The following CDK14 variants were observed in gnomAD, a reference collection of about 807,000 sequenced individuals.
The protein encoded by CDK14 is cyclin-dependent kinase 14.
CDK14 carries 34 observed loss-of-function variants against 60.7 expected under a neutral mutation model. That is an observed-to-expected ratio of 0.56 (90% confidence interval 0.43 to 0.75). The LOEUF is 0.75. Ranked by LOEUF, CDK14 falls within the 30% of genes least tolerant of loss-of-function variation. The probability of loss-of-function intolerance (pLI) is 0.00; values close to 1 mark genes in which losing one functional copy is unlikely to be tolerated. For synonymous variants in CDK14, 197 were observed against 203.7 expected, an observed-to-expected ratio of 0.97 and a Z score of 0.28; for missense variants, 482 against 564.1, an observed-to-expected ratio of 0.85 and a Z score of 1.47.
At position 90,859,547 on chromosome 7, in the gene CDK14, C is replaced by A. The variant is rs192651557; in HGVS notation, c.545-3628C>A. Among the ~76,000 whole-genome samples the A allele has an allele frequency of 3.2e-3, 483 of 152,102 alleles. 4 individuals are homozygous for A. The highest frequency in any genetic ancestry group is 0.011 in the African/African-American group (457 of 41,526). Reference sequence around the variant, plus strand: ...TTAATATGTTAAAACATGGGTAAATCTCTTTTATTTTTTAAAAGACTTTAC... The same window carrying A: ...TTAATATGTTAAAACATGGGTAAATATCTTTTATTTTTTAAAAGACTTTAC... On this transcript the variant is annotated intron_variant, in intron 5 of 14. Transcript: ENST00000380050.
intron 2 of CDK14, among the ~76,000 whole-genome samples, chr7:90,682,561 G>A (rs2116564159): frequency 6.6e-6 from 1 of 152,272 alleles, no homozygotes; most frequent in South Asian, 2.1e-4. Flanking sequence ...ATCACCTTCA[G>A]TATGTTTATA....
At chr7:91,012,246 C>T (rs1230733740) in intron 10 of CDK14, among the ~76,000 whole-genome samples, 1 of 152,174 alleles carries the variant, frequency 6.6e-6, no homozygotes, top group Non-Finnish European at 1.5e-5. Flanking sequence ...AGATTTCCTA[C>T]TCTGGCCATG....
At position 91,112,822 on chromosome 7, in the gene CDK14, G is replaced by GTGTGTGT. The variant is rs1799505196; in HGVS notation, c.1294+141_1294+142insTGTGTGT. 5 of 638,158 alleles carry GTGTGTGT rather than the reference G, an allele frequency of 7.8e-6. No homozygotes were observed. In the African/African-American group the frequency reaches 9.5e-5, roughly 12 times the overall value. 39.5% of individuals were successfully genotyped at this position (638,158 alleles called of 1,614,324 possible). A position where few individuals can be genotyped will look rare whatever the true frequency, so the allele number is the denominator to read the frequency against. ...AATGTATGTTTGTATGTGCATTACA[G>GTGTGTGT]GTGTGTGTGTGTGTGTGTGTGTGTA... is the stretch of plus-strand genomic sequence containing the variant. On this transcript the variant is annotated intron_variant, in intron 13 of 14. Transcript: ENST00000380050.
intron 14 of CDK14, among the ~76,000 whole-genome samples, chr7:91,180,625 T>G (rs1000806300): frequency 1.3e-5 from 2 of 152,186 alleles, no homozygotes; most frequent in African/African-American, 4.8e-5. Flanking sequence ...GTTGTTATTT[T>G]TAATTAAAAT....
chr7:90,881,206 A>G (rs1046368889), intron 6 of CDK14, among the ~76,000 whole-genome samples: 2 of 152,214 alleles, frequency 1.3e-5, no homozygotes, highest in African/African-American at 2.4e-5. Flanking sequence ...ATAAAAGGTT[A>G]GAAGAATTGC....
intron 1 of CDK14, among the ~76,000 whole-genome samples, chr7:90,599,644 G>A (rs942083460): frequency 5.3e-5 from 8 of 152,088 alleles, no homozygotes; most frequent in Admixed American, 2.6e-4. Flanking sequence ...TTCTTCATTG[G>A]TACTTCATGA....
chr7:90,807,901 G>C (rs919722871), intron 5 of CDK14, among the ~76,000 whole-genome samples: 4 of 152,138 alleles, frequency 2.6e-5, no homozygotes, highest in Non-Finnish European at 5.9e-5. Context: ...TAAGTGAGAA[G>C]AGAAGTTTAG....
intron 12 of CDK14, among the ~76,000 whole-genome samples, chr7:91,093,226 G>A (rs535683818): frequency 6.6e-6 from 1 of 152,300 alleles, no homozygotes; most frequent in South Asian, 2.1e-4. Context: ...GGGAAAAGAA[G>A]AATGAGGATG....
At chr7:90,676,527 ATT>A (rs60056655) in intron 2 of CDK14, among the ~76,000 whole-genome samples, 3,775 of 141,372 alleles carry the variant, frequency 0.027, 51 homozygotes, top group African/African-American at 0.053. Flanking sequence ...TAGATGTTTC[ATT>A]TTTTTTTTTT....
chr7:90,787,487 A>G (rs1805643322), intron 4 of CDK14, among the ~76,000 whole-genome samples: 1 of 152,192 alleles, frequency 6.6e-6, no homozygotes, highest in Non-Finnish European at 1.5e-5. Flanking sequence ...TATTTTTGAA[A>G]TTTTTGGAAA....
intron 11 of CDK14, among the ~76,000 whole-genome samples, chr7:91,059,952 G>A (rs1797725509): frequency 6.6e-6 from 1 of 152,010 alleles, no homozygotes. Context: ...TCAATTCCTG[G>A]GTATCCTTGT....
At chr7:90,972,426 A>G (rs984277065) in intron 9 of CDK14, among the ~76,000 whole-genome samples, 6 of 152,358 alleles carry the variant, frequency 3.9e-5, no homozygotes, top group Middle Eastern at 3.4e-3. Flanking sequence ...TTTAGAATAC[A>G]GAAAAAGGTC....
intron 14 of CDK14, among the ~76,000 whole-genome samples, chr7:91,157,250 G>A (rs75059384): frequency 0.016 from 2,380 of 152,248 alleles, 18 homozygotes; most frequent in Middle Eastern, 0.027. Context: ...AACTCGGGCC[G>A]CAATCAGCTT....
chr7:90,677,662 C>G (rs1312930244), intron 2 of CDK14, among the ~76,000 whole-genome samples: 1 of 149,648 alleles, frequency 6.7e-6, no homozygotes, highest in South Asian at 2.1e-4. Flanking sequence ...TTTTTTTCCC[C>G]TTGTGAATAG....
intron 4 of CDK14, among the ~76,000 whole-genome samples, chr7:90,760,219 G>A (rs1312226644): frequency 2.0e-5 from 3 of 152,180 alleles, no homozygotes; most frequent in Non-Finnish European, 4.4e-5. Flanking sequence ...GGGAAGAAAT[G>A]CTATTAATTA....
At chr7:91,180,745 C>G (rs1278351304) in intron 14 of CDK14, among the ~76,000 whole-genome samples, 1 of 152,002 alleles carries the variant, frequency 6.6e-6, no homozygotes, top group African/African-American at 2.4e-5. Context: ...GCCTTAAAAG[C>G]CAAAGTGGAA....
intron 2 of CDK14, chr7:90,709,673 A>T (rs1801990316): frequency 1.1e-5 from 17 of 1,578,128 alleles, no homozygotes; most frequent in Non-Finnish European, 1.5e-5. Flanking sequence ...GAGCTGTTAA[A>T]GCTATTGATA....
At chr7:91,148,565 C>T (rs1384450941) in intron 14 of CDK14, among the ~76,000 whole-genome samples, 1 of 152,068 alleles carries the variant, frequency 6.6e-6, no homozygotes, top group Non-Finnish European at 1.5e-5. Flanking sequence ...TACAGCCTGA[C>T]CTAGATGTTT....
At chr7:90,638,660 G>C (rs990768003) in intron 2 of CDK14, among the ~76,000 whole-genome samples, 1 of 152,114 alleles carries the variant, frequency 6.6e-6, no homozygotes, top group Non-Finnish European at 1.5e-5. Context: ...TGTATTTCCT[G>C]AATCTGAACG....
Sources: gnomAD v4.1 joint callset for allele counts (sites outside exome capture counted in the v4.1 genomes callset) on GRCh38, gnomAD v4.1.1 for gene constraint, MANE v1.5 for transcripts, NCBI Gene and HGNC (gene_info 2026-07-23, HGNC 2026-07-21) for gene names.